Variants in SIRT5 observed in about 807,000 individuals in gnomAD.
SIRT5 encodes the protein sirtuin 5.
Under a neutral mutation model 40.0 loss-of-function variants are expected in SIRT5, and 26 were observed. The observed-to-expected ratio is 0.65, with a 90% CI of 0.48 to 0.90. The LOEUF (loss-of-function observed/expected upper bound fraction) is 0.90, where lower values mean the gene tolerates loss of function less well. Among genes scored for constraint, SIRT5 ranks in the 40% least tolerant of loss-of-function variants. The pLI is 0.00. For synonymous variants in SIRT5, 146 were observed against 149.1 expected (o/e 0.98, Z 0.15); for missense variants, 401 against 402.4 (o/e 1.00, Z 0.03).
At chr6:13,590,385 T>C (rs1167196607) in intron 4 of SIRT5, among the ~76,000 whole-genome samples, 1 of 152,202 alleles carries the variant, frequency 6.6e-6, no homozygotes, top group Non-Finnish European at 1.5e-5. Flanking sequence ...ATGTATTTTA[T>C]CTATTCTGTT....
At chr6:13,600,516 A>G (rs1311298246) in intron 8 of SIRT5, among the ~76,000 whole-genome samples, 5 of 152,246 alleles carry the variant, frequency 3.3e-5, no homozygotes, top group Admixed American at 6.5e-5. Flanking sequence ...TTAAAAAGTT[A>G]TGGATCATTT....
rs143636803 is a variant in SIRT5, at chr6:13,574,936, G to A, written c.-195+192G>A. Reference sequence around the variant, plus strand: ...GGTCATTGCAGCTGCCAGGGTGACCGAGGAAGGTGGCCGGGGTGGAGGCAG... The same window carrying A: ...GGTCATTGCAGCTGCCAGGGTGACCAAGGAAGGTGGCCGGGGTGGAGGCAG... On this transcript the variant is annotated intron_variant, in intron 1 of 9. Transcript: ENST00000606117. 1.5e-3 allele frequency among the ~76,000 whole-genome samples: 221 copies of A among 152,262 alleles called. 2 individuals carry two copies. The highest frequency in any genetic ancestry group is 4.4e-3 in the African/African-American group (183 of 41,560).
At chr6:13,601,268 C>T (rs926782247) in intron 9 of SIRT5, among the ~76,000 whole-genome samples, 1 of 152,150 alleles carries the variant, frequency 6.6e-6, no homozygotes, top group African/African-American at 2.4e-5. Context: ...GTAGGTTACC[C>T]AAATGCTCCG....
chr6:13,604,478 A>G, intron 9 of SIRT5: 10 of 1,554,432 alleles, frequency 6.4e-6, no homozygotes, highest in Non-Finnish European at 8.0e-6. Context: ...CTTTTCAGTC[A>G]TTTGATCTCC....
Position 13,611,974 on chromosome 6 carries a change from C to A in SIRT5, c.*109C>A. On this transcript the variant is annotated 3_prime_UTR_variant, in exon 10 of 10. Coordinates refer to ENST00000606117, the MANE Select transcript of SIRT5 (RefSeq NM_012241.5). Reference sequence around the variant, plus strand: ...GAGTACTGAACAATCTAAAAATAGCCTCTGATTCCCTCGCTGGAATCCAAC... The same window carrying A: ...GAGTACTGAACAATCTAAAAATAGCATCTGATTCCCTCGCTGGAATCCAAC... 2 of 978,050 alleles carry A rather than the reference C, an allele frequency of 2.0e-6. No homozygotes were observed. Among genetic ancestry groups the A allele is most frequent in the Non-Finnish European group, 3.1e-6 (2 of 650,026 alleles). 60.6% of individuals were successfully genotyped at this position (978,050 alleles called of 1,614,324 possible).
intron 7 of SIRT5, among the ~76,000 whole-genome samples, chr6:13,597,890 G>A (rs7759452): frequency 0.19 from 28,966 of 152,026 alleles, 3,256 homozygotes; most frequent in Non-Finnish European, 0.25. Context: ...ACTTCTAAAA[G>A]TGTTTCATAG....
intron 4 of SIRT5, among the ~76,000 whole-genome samples, chr6:13,591,160 G>A (rs944149573): frequency 1.8e-4 from 27 of 152,004 alleles, no homozygotes; most frequent in Admixed American, 1.2e-3. Context: ...GTAGATGTGC[G>A]TGTATGTAGA....
chr6:13,593,265 T>A (rs1336458730), intron 5 of SIRT5, among the ~76,000 whole-genome samples: 1 of 152,156 alleles, frequency 6.6e-6, no homozygotes, highest in African/African-American at 2.4e-5. Flanking sequence ...GTCGGGGGTG[T>A]TTGTTTTTGC....
chr6:13,599,260 G>A lies in SIRT5; in HGVS notation c.741+105G>A, dbSNP rs187787617. 68 of 1,209,034 alleles carry A rather than the reference G, an allele frequency of 5.6e-5. 1 individual carries two copies. The African/African-American group carries it at 7.8e-4, about 14-fold the overall frequency. The allele number at this position is 1,209,034 out of a possible 1,614,324, so 74.9% of individuals were successfully genotyped here. On this transcript the variant is annotated intron_variant, in intron 8 of 9. Coordinates refer to ENST00000606117, the MANE Select transcript of SIRT5 (RefSeq NM_012241.5). Reference sequence around the variant, plus strand: ...TCCCTCCCTTGCTTCTTTCCTTCCCGCCTTCTCTCCTCCCTCCATTTCTTC... The same window carrying A: ...TCCCTCCCTTGCTTCTTTCCTTCCCACCTTCTCTCCTCCCTCCATTTCTTC...
Position 13,588,909 on chromosome 6 carries a change from C to T in SIRT5, c.249+445C>T, listed in dbSNP as rs148841542. On this transcript the variant is annotated intron_variant, in intron 4 of 9. Coordinates refer to ENST00000606117, the MANE Select transcript of SIRT5 (RefSeq NM_012241.5). ...TCAGAATGTAAGTTCTGTGAAGGTG[C>T]GGATTTTTTTAATTCAATTTTTATT... Among the ~76,000 whole-genome samples, 158 of 152,148 alleles carry T rather than the reference C, an allele frequency of 1.0e-3. 3 individuals are homozygous for T. The East Asian group carries it at 0.022, about 21-fold the overall frequency.
intron 9 of SIRT5, among the ~76,000 whole-genome samples, chr6:13,603,619 G>A (rs568280751): frequency 6.6e-6 from 1 of 152,312 alleles, no homozygotes; most frequent in South Asian, 2.1e-4. Flanking sequence ...TGATGAGAAT[G>A]TACAATGGCG....
At chr6:13,589,741 G>A (rs1020739817) in intron 4 of SIRT5, among the ~76,000 whole-genome samples, 1 of 152,178 alleles carries the variant, frequency 6.6e-6, no homozygotes, top group Non-Finnish European at 1.5e-5. Context: ...TTAGGGGCCA[G>A]CAAGAAAGAG....
In SIRT5 at chr6:13,607,631, G is replaced by A. The variant is rs1763292555; in HGVS notation, c.858-4159G>A. 6.6e-6 allele frequency among the ~76,000 whole-genome samples: 1 copy of A among 152,214 alleles called. No homozygotes were observed. Among genetic ancestry groups the A allele is most frequent in the Non-Finnish European group, 1.5e-5 (1 of 68,048 alleles). ...GCCAGCAGAGTGCACAGGTGTGCTAGAAAGAGGCTTTCAAACACTGTTCAT... is the reference window on the plus strand; with the variant it reads ...GCCAGCAGAGTGCACAGGTGTGCTAAAAAGAGGCTTTCAAACACTGTTCAT... On this transcript the variant is annotated intron_variant, in intron 9 of 9. Transcript: ENST00000606117. The surrounding 1 kb of genome is among the most constrained non-coding windows in gnomAD (Gnocchi z 4.0).
chr6:13,607,649 C>G lies in SIRT5; in HGVS notation c.858-4141C>G, dbSNP rs942306188. ...TGTGCTAGAAAGAGGCTTTCAAACA[C>G]TGTTCATGTTTGCCTTTCCCATTTT... On this transcript the variant is annotated intron_variant, in intron 9 of 9. Transcript: ENST00000606117. This position sits in a 1 kb window ranked among gnomAD's most constrained non-coding sequence, Gnocchi z 4.0. Among the ~76,000 whole-genome samples the G allele has an allele frequency of 3.9e-5, 6 of 152,196 alleles. No homozygotes were observed. The highest frequency in any genetic ancestry group is 1.5e-5 in the Non-Finnish European group (1 of 68,040).
At chr6:13,592,034 G>T (rs1175489052) in intron 5 of SIRT5, 140 bp downstream of exon 5, 2 of 865,964 alleles carry the variant, frequency 2.3e-6, no homozygotes, top group Non-Finnish European at 3.5e-6. Flanking sequence ...ATTTCCTTTG[G>T]GGACATGTTA....
chr6:13,613,681 C>G lies in SIRT5; in HGVS notation c.*1816C>G, dbSNP rs1764124372. 1 of 152,120 alleles carries G rather than the reference C, an allele frequency of 6.6e-6. No homozygotes were observed. The highest frequency in any genetic ancestry group is 2.4e-5 in the African/African-American group (1 of 41,398). 9.4% of individuals were successfully genotyped at this position (152,120 alleles called of 1,614,324 possible). A position where few individuals can be genotyped will look rare whatever the true frequency, so the allele number is the denominator to read the frequency against. ...GCGGCTGGAGAACCAGTCAGGGACC[C>G]TGAGGGCTCGATGTACACTTTACAT... On this transcript the variant is annotated 3_prime_UTR_variant, in exon 10 of 10. Transcript: ENST00000606117.
chr6:13,586,675 T>G (rs2127635127), intron 3 of SIRT5, among the ~76,000 whole-genome samples: 1 of 152,264 alleles, frequency 6.6e-6, no homozygotes, highest in Non-Finnish European at 1.5e-5. Context: ...TCTTCTGAAT[T>G]CATTTTTACC....
chr6:13,611,308 A>G (rs1763891089), intron 9 of SIRT5, among the ~76,000 whole-genome samples: 1 of 149,982 alleles, frequency 6.7e-6, no homozygotes, highest in Non-Finnish European at 1.5e-5. Context: ...TTGTGTCTAT[A>G]TATAACATGC....
At chr6:13,596,596 C>T (rs1439968808) in intron 6 of SIRT5, among the ~76,000 whole-genome samples, 1 of 152,196 alleles carries the variant, frequency 6.6e-6, no homozygotes, top group African/African-American at 2.4e-5. Flanking sequence ...GAGCAATCCT[C>T]CTGCCTCAGC....
Sources: allele counts gnomAD v4.1 joint callset (sites outside exome capture counted in the v4.1 genomes callset), GRCh38; gene constraint gnomAD v4.1.1; non-coding constraint Gnocchi (gnomAD v3.1); transcripts MANE v1.5; gene names NCBI Gene and HGNC (gene_info 2026-07-23, HGNC 2026-07-21).